The following BIRC6 variants were observed in gnomAD, a reference collection of about 807,000 sequenced individuals.
BIRC6 encodes the protein baculoviral IAP repeat containing 6.
A neutral mutation model predicts 503.3 loss-of-function variants in BIRC6; 98 were observed. The ratio of observed to expected loss-of-function variants is 0.19; its 90% CI spans 0.17 to 0.23. The LOEUF is 0.23. Ranked by LOEUF, BIRC6 falls within the 10% of genes least tolerant of loss-of-function variation. The pLI, the probability that BIRC6 is intolerant of heterozygous loss-of-function variation, is 1.00. For missense variants in BIRC6, 5,360 were observed against 5,806.0 expected (o/e 0.92, Z 2.50); for synonymous variants, 2,240 against 2,078.7 (o/e 1.08, Z -2.11).
intron 71 of BIRC6, among the ~76,000 whole-genome samples, chr2:32,606,673 G>T (rs963234630): frequency 3.4e-4 from 52 of 152,118 alleles, no homozygotes; most frequent in African/African-American, 1.2e-3. Context: ...ATTTAAAATG[G>T]TCTCAGGCAT....
At chr2:32,404,739 G>A (rs1274172836) in intron 8 of BIRC6, among the ~76,000 whole-genome samples, 1 of 151,616 alleles carries the variant, frequency 6.6e-6, no homozygotes, top group Non-Finnish European at 1.5e-5. Flanking sequence ...ACGGCTCACT[G>A]CACCCTTTAC....
Position 32,607,438 on chromosome 2 carries a change from T to C in BIRC6, c.14071-17T>C. 2.7e-6 allele frequency: 4 copies of C among 1,472,228 alleles called. No homozygotes were observed. Among genetic ancestry groups the C allele is most frequent in the Non-Finnish European group, 3.6e-6 (4 of 1,099,594 alleles). The allele number at this position is 1,472,228 out of a possible 1,614,324, so 91.2% of individuals were successfully genotyped here. ...AAAAATGTCCCATCATAGCTGTTCT[T>C]TTCCTTTATTCTTTAGGTGTTGGTG... On this transcript the variant is annotated splice_polypyrimidine_tract_variant and intron_variant, in intron 71 of 73. Transcript: ENST00000421745.
intron 4 of BIRC6, among the ~76,000 whole-genome samples, chr2:32,389,294 A>G (rs2038908285): frequency 6.6e-6 from 1 of 151,966 alleles, no homozygotes; most frequent in Admixed American, 6.6e-5. Flanking sequence ...TCCATTGATG[A>G]CATTTTGTGA....
At chr2:32,587,463 T>C (rs1351297295) in intron 66 of BIRC6, among the ~76,000 whole-genome samples, 2 of 152,156 alleles carry the variant, frequency 1.3e-5, no homozygotes, top group East Asian at 1.9e-4. Flanking sequence ...TTGGGCTAAG[T>C]GTGGCGGTTC....
At chr2:32,397,119 G>T (rs912846780) in intron 6 of BIRC6, among the ~76,000 whole-genome samples, 6 of 152,126 alleles carry the variant, frequency 3.9e-5, no homozygotes, top group African/African-American at 1.4e-4. Context: ...ATATCTTACT[G>T]TACTGTACTC....
intron 65 of BIRC6, among the ~76,000 whole-genome samples, chr2:32,569,069 A>G (rs1379746651): frequency 6.7e-6 from 1 of 148,572 alleles, no homozygotes; most frequent in African/African-American, 2.5e-5. Flanking sequence ...GGCTCACTGC[A>G]ACCTCTGCCT....
intron 24 of BIRC6, 28 bp from the exon 25 acceptor site, chr2:32,464,481 A>G (rs778602539): frequency 6.5e-7 from 1 of 1,539,238 alleles, no homozygotes; most frequent in Non-Finnish European, 8.8e-7. Flanking sequence ...GGATTAGTCT[A>G]TATATGTTGC....
At chr2:32,453,685 T>G (rs2046948137) in intron 22 of BIRC6, 123 bp from the exon 23 acceptor site, 2 of 894,064 alleles carry the variant, frequency 2.2e-6, no homozygotes, top group East Asian at 2.5e-5. Flanking sequence ...ATTCAAGCAC[T>G]GTGTAAGAGT....
chr2:32,385,198 A>G (rs1012074708), intron 3 of BIRC6, among the ~76,000 whole-genome samples: 3 of 152,254 alleles, frequency 2.0e-5, no homozygotes, highest in Non-Finnish European at 4.4e-5. Flanking sequence ...ATGCAGAACC[A>G]TCTGTAAATC....
chr2:32,615,953 T>C (rs1479785202), intron 73 of BIRC6, among the ~76,000 whole-genome samples: 1 of 152,152 alleles, frequency 6.6e-6, no homozygotes. Context: ...TAAAAGCCTT[T>C]GGTGTGATTA....
At position 32,465,184 on chromosome 2, in the gene BIRC6, A is replaced by ATT. The variant is rs2048394710; in HGVS notation, c.5356+20_5356+21insTT. ...ATTCAGGTAATCTTTTACTTTCTTA[A>ATT]ATTTTTTTTTTTTTTTTTTTGCTTA... On this transcript the variant is annotated intron_variant, in intron 26 of 73. Transcript: ENST00000421745. 1.0e-5 allele frequency: 13 copies of ATT among 1,289,552 alleles called. No individual in the cohort carries two copies. The highest frequency in any genetic ancestry group is 5.6e-5 in the Admixed American group (2 of 35,602). The allele number at this position is 1,289,552 out of a possible 1,614,324, so 79.9% of individuals were successfully genotyped here.
At chr2:32,458,614 CAT>C (rs1238821311) in intron 23 of BIRC6, among the ~76,000 whole-genome samples, 2 of 147,776 alleles carry the variant, frequency 1.4e-5, no homozygotes, top group African/African-American at 2.5e-5. Context: ...GTAAGTATCT[CAT>C]ATATATATAT....
chr2:32,408,645 T>G (rs2041519055), intron 9 of BIRC6, among the ~76,000 whole-genome samples: 1 of 152,216 alleles, frequency 6.6e-6, no homozygotes. Flanking sequence ...TTTTCTACCT[T>G]TATTCTTTTC....
At chr2:32,400,336 C>CTTT (rs746431747) in intron 6 of BIRC6, among the ~76,000 whole-genome samples, 32 of 118,318 alleles carry the variant, frequency 2.7e-4, no homozygotes, top group Non-Finnish European at 3.9e-4. Flanking sequence ...GCTTTCAGAT[C>CTTT]TTTTTTTTTT....
intron 37 of BIRC6, 56 bp downstream of exon 37, chr2:32,479,673 A>G: frequency 7.2e-7 from 1 of 1,384,680 alleles, no homozygotes; most frequent in African/African-American, 1.4e-5. Context: ...CATGTTTCAA[A>G]ATAAAGAATG....
intron 69 of BIRC6, among the ~76,000 whole-genome samples, chr2:32,598,220 A>G (rs534295105): frequency 6.6e-6 from 1 of 151,186 alleles, no homozygotes; most frequent in East Asian, 2.0e-4. Context: ...GCCTCCACAA[A>G]GAGCCCTTTT....
At position 32,442,194 on chromosome 2, in the gene BIRC6, G is replaced by A; in HGVS notation, c.4074G>A (p.Trp1358Ter). The A allele has an allele frequency of 6.2e-7, 1 of 1,607,704 alleles. No homozygotes were observed. Among genetic ancestry groups the A allele is most frequent in the Non-Finnish European group, 8.5e-7 (1 of 1,177,912 alleles). The change falls in exon 18 of 74, where the codon TGG becomes TGA. Residue 1358 changes from tryptophan (W) to a stop codon, truncating the protein, a stop_gained. Coordinates refer to ENST00000421745, the MANE Select transcript of BIRC6 (RefSeq NM_016252.4). LOFTEE classifies it high-confidence loss of function. Reference sequence around the variant, plus strand: ...GCCTTGTGTTGGATACTCTCTGTTGGTTAGCTGGAGTTCATTCAAATGGAC... The same window carrying A: ...GCCTTGTGTTGGATACTCTCTGTTGATTAGCTGGAGTTCATTCAAATGGAC... Reference protein sequence around the residue: ...AQSLVLDTLCWLAGVHSNGPG... With the variant: ...AQSLVLDTLC
Position 32,485,772 on chromosome 2 carries a change from A to T in BIRC6, c.7813+13A>T, listed in dbSNP as rs570821176. 4 of 1,526,832 alleles carry T rather than the reference A, an allele frequency of 2.6e-6. No individual in the cohort carries two copies. The South Asian group carries it at 4.5e-5, about 17-fold the overall frequency. 94.6% of individuals were successfully genotyped at this position (1,526,832 alleles called of 1,614,324 possible). On this transcript the variant is annotated intron_variant, in intron 40 of 73. Coordinates refer to ENST00000421745, the MANE Select transcript of BIRC6 (RefSeq NM_016252.4). ...ACATCTCCTACATGTAAGTAAAATG[A>T]CCATTTTTAGAGTATTGCAGTGAAT... is the stretch of plus-strand genomic sequence containing the variant.
chr2:32,557,251 T>C lies in BIRC6; in HGVS notation c.13144+7770T>C, dbSNP rs1004146385. ...TAAAACTTCATTTTTCTAAACATTT[T>C]CATAGTCTTCTTTCCTATACTGACT... On this transcript the variant is annotated intron_variant, in intron 65 of 73. Transcript: ENST00000421745. 5 of 152,362 alleles carry C rather than the reference T, an allele frequency of 3.3e-5. No homozygotes were observed. The East Asian group carries it at 9.6e-4, about 29-fold the overall frequency. The allele number at this position is 152,362 out of a possible 1,614,324, so 9.4% of individuals were successfully genotyped here.
Sources: allele counts gnomAD v4.1 joint callset (sites outside exome capture counted in the v4.1 genomes callset), GRCh38; gene constraint gnomAD v4.1.1; transcripts MANE v1.5; gene names NCBI Gene and HGNC (gene_info 2026-07-23, HGNC 2026-07-21).